Variants in PTPRD observed in about 807,000 individuals in gnomAD.
PTPRD encodes receptor-type tyrosine-protein phosphatase delta.
Under a neutral mutation model 214.5 loss-of-function variants are expected in PTPRD, and 34 were observed. The ratio of observed to expected loss-of-function variants is 0.16; its 90% CI spans 0.12 to 0.21. The LOEUF (loss-of-function observed/expected upper bound fraction) is 0.21, where lower values mean the gene tolerates loss of function less well. PTPRD is among the 10% of genes least tolerant of loss of function. The pLI, the probability that PTPRD is intolerant of heterozygous loss-of-function variation, is 1.00. For synonymous variants in PTPRD, 1,128 were observed against 845.7 expected, an observed-to-expected ratio of 1.33 and a Z score of -5.79; for missense variants, 2,545 against 2,398.7, an observed-to-expected ratio of 1.06 and a Z score of -1.27.
At position 9,503,669 on chromosome 9, in the gene PTPRD, G is replaced by A. The variant is rs73641308; in HGVS notation, c.-237+71063C>T. Reference sequence around the variant, plus strand: ...GCAAGACTATGGTAGAAGTGTGTAAGTTCTCAGAATCAAAGTAGAGTCACT... The same window carrying A: ...GCAAGACTATGGTAGAAGTGTGTAAATTCTCAGAATCAAAGTAGAGTCACT... On this transcript the variant is annotated intron_variant, in intron 8 of 45. Coordinates refer to ENST00000381196, the MANE Select transcript of PTPRD (RefSeq NM_002839.4). Among the ~76,000 whole-genome samples, 12 of 151,722 alleles carry A rather than the reference G, an allele frequency of 7.9e-5. 1 individual carries two copies. Among genetic ancestry groups the A allele is most frequent in the African/African-American group, 2.9e-4 (12 of 41,376 alleles).
intron 2 of PTPRD, among the ~76,000 whole-genome samples, chr9:10,465,680 C>T (rs982198402): frequency 6.6e-6 from 1 of 152,194 alleles, no homozygotes; most frequent in African/African-American, 2.4e-5. Flanking sequence ...CCCTACAGTA[C>T]TCAGTACAGC....
At chr9:10,038,278 A>G (rs1264410391) in intron 3 of PTPRD, among the ~76,000 whole-genome samples, 2 of 152,132 alleles carry the variant, frequency 1.3e-5, no homozygotes, top group African/African-American at 4.8e-5. Flanking sequence ...AACATCTCTC[A>G]TGATGGCCTA....
intron 8 of PTPRD, among the ~76,000 whole-genome samples, chr9:9,564,494 C>T (rs997698333): frequency 6.6e-6 from 1 of 152,052 alleles, no homozygotes; most frequent in Non-Finnish European, 1.5e-5. Flanking sequence ...ATTCGAATTT[C>T]TTAGGCTGAG....
chr9:10,060,840 C>CT (rs2097755955), intron 3 of PTPRD, among the ~76,000 whole-genome samples: 1 of 119,022 alleles, frequency 8.4e-6, no homozygotes, highest in Admixed American at 7.6e-5. Flanking sequence ...TCCTTCCTTC[C>CT]TTCCTTTCCT....
At chr9:9,793,552 T>C (rs975450671) in intron 5 of PTPRD, among the ~76,000 whole-genome samples, 1 of 152,158 alleles carries the variant, frequency 6.6e-6, no homozygotes, top group East Asian at 1.9e-4. Context: ...TATTTTATGC[T>C]GTTAAGAAAG....
intron 11 of PTPRD, among the ~76,000 whole-genome samples, chr9:8,770,283 C>CAAAT (rs951789072): frequency 4.0e-5 from 6 of 149,802 alleles, no homozygotes; most frequent in African/African-American, 9.8e-5. Flanking sequence ...GATTCCGTCT[C>CAAAT]AAATAAATAA....
intron 11 of PTPRD, among the ~76,000 whole-genome samples, chr9:8,742,922 G>A (rs182537620): frequency 1.3e-5 from 2 of 152,018 alleles, no homozygotes; most frequent in African/African-American, 2.4e-5. Flanking sequence ...TTGTCACAGC[G>A]CAAGAAGGGT....
At chr9:9,494,449 C>G (rs1297408814) in intron 8 of PTPRD, among the ~76,000 whole-genome samples, 2 of 152,156 alleles carry the variant, frequency 1.3e-5, no homozygotes, top group Non-Finnish European at 2.9e-5. Context: ...CCACCCCAAC[C>G]TCGAGTAACC....
chr9:10,365,228 TCCA>T (rs1196501172), intron 2 of PTPRD, among the ~76,000 whole-genome samples: 2 of 152,152 alleles, frequency 1.3e-5, no homozygotes, highest in Admixed American at 1.3e-4. Flanking sequence ...ATACAGTCTT[TCCA>T]CTTGCAGGTT....
chr9:9,727,535 A>C (rs535333264), intron 7 of PTPRD, among the ~76,000 whole-genome samples: 23 of 152,284 alleles, frequency 1.5e-4, no homozygotes, highest in African/African-American at 5.3e-4. Context: ...AAAAGTAGAT[A>C]GTTTAACTTC....
chr9:9,424,068 C>T (rs1317013009), intron 8 of PTPRD, among the ~76,000 whole-genome samples: 1 of 152,174 alleles, frequency 6.6e-6, no homozygotes, highest in African/African-American at 2.4e-5. Context: ...TTGCTCAAGG[C>T]TGCATTCCAT....
intron 2 of PTPRD, among the ~76,000 whole-genome samples, chr9:10,427,254 T>TA (rs1565963968): frequency 1.3e-5 from 2 of 152,098 alleles, no homozygotes; most frequent in East Asian, 3.9e-4. Context: ...AACTTCCTGA[T>TA]AAAAGATGTC....
chr9:8,912,570 T>G (rs1566963968), intron 11 of PTPRD, among the ~76,000 whole-genome samples: 2 of 152,116 alleles, frequency 1.3e-5, no homozygotes, highest in African/African-American at 4.8e-5. Context: ...CTGATTGTGG[T>G]AATAGATACA....
At chr9:9,038,909 G>A (rs1328178194) in intron 10 of PTPRD, among the ~76,000 whole-genome samples, 2 of 151,770 alleles carry the variant, frequency 1.3e-5, no homozygotes, top group Non-Finnish European at 2.9e-5. Context: ...AAGGTTTTTT[G>A]TTGTTTGATA....
At chr9:10,578,415 G>C (rs893787654) in intron 2 of PTPRD, among the ~76,000 whole-genome samples, 4 of 151,858 alleles carry the variant, frequency 2.6e-5, no homozygotes, top group Admixed American at 1.3e-4. Flanking sequence ...CTTTATTTTA[G>C]GGGTTCTTAC....
chr9:8,477,139 T>A (rs1363161201), intron 30 of PTPRD, among the ~76,000 whole-genome samples: 1 of 151,950 alleles, frequency 6.6e-6, no homozygotes, highest in Non-Finnish European at 1.5e-5. Flanking sequence ...AAAAAATAAA[T>A]TGCTTTTGGA....
At chr9:9,020,335 A>T (rs1378627391) in intron 10 of PTPRD, among the ~76,000 whole-genome samples, 25 of 152,154 alleles carry the variant, frequency 1.6e-4, no homozygotes, top group Admixed American at 1.6e-3. Context: ...TTGTTTTAAA[A>T]GATTATCTGT....
At chr9:10,088,808 A>T (rs2098392266) in intron 3 of PTPRD, among the ~76,000 whole-genome samples, 1 of 151,652 alleles carries the variant, frequency 6.6e-6, no homozygotes, top group African/African-American at 2.4e-5. Flanking sequence ...AAATATACTC[A>T]CTAAAGTTTA....
At chr9:8,466,090 T>A (rs964865656) in intron 31 of PTPRD, among the ~76,000 whole-genome samples, 1 of 151,994 alleles carries the variant, frequency 6.6e-6, no homozygotes, top group African/African-American at 2.4e-5. Flanking sequence ...TCTTTAAATA[T>A]AGCCACATTT....
Sources: allele counts gnomAD v4.1 joint callset (sites outside exome capture counted in the v4.1 genomes callset), GRCh38; gene constraint gnomAD v4.1.1; transcripts MANE v1.5; gene names NCBI Gene and HGNC (gene_info 2026-07-23, HGNC 2026-07-21).